The following CABP1 variants were observed in gnomAD, a reference collection of about 807,000 sequenced individuals.
The protein encoded by CABP1 is calcium-binding protein 1.
A neutral mutation model predicts 34.3 loss-of-function variants in CABP1; 17 were observed. That is an observed-to-expected ratio of 0.50 (90% CI 0.34 to 0.74). The LOEUF (loss-of-function observed/expected upper bound fraction) is 0.74, where lower values mean the gene tolerates loss of function less well. Ranked by LOEUF, CABP1 falls within the 30% of genes least tolerant of loss-of-function variation. The pLI, the probability that CABP1 is intolerant of heterozygous loss-of-function variation, is 0.01. For missense variants in CABP1, 373 were observed against 511.1 expected (o/e 0.73, Z 2.61); for synonymous variants, 198 against 229.2 (o/e 0.86, Z 1.23).
chr12:120,645,165 A>G (rs1183961928), intron 1 of CABP1, among the ~76,000 whole-genome samples: 1 of 152,086 alleles, frequency 6.6e-6, no homozygotes, highest in Non-Finnish European at 1.5e-5. Flanking sequence ...ATTTAATTGC[A>G]CTAAGCCTAG....
intron 5 of CABP1, among the ~76,000 whole-genome samples, chr12:120,662,709 A>G (rs1381222524): frequency 1.5e-5 from 2 of 133,340 alleles, no homozygotes; most frequent in Non-Finnish European, 3.1e-5. Flanking sequence ...TTTGAGACAA[A>G]GTCTCGCTCT....
chr12:120,650,833 C>A, intron 1 of CABP1: 2 of 773,278 alleles, frequency 2.6e-6, no homozygotes, highest in Non-Finnish European at 4.3e-6. Flanking sequence ...ACCCCAAACA[C>A]CCTCCTATTG....
At chr12:120,680,822 C>A in the CABP1 span, among the ~76,000 whole-genome samples, 1 of 152,024 alleles carries the variant, frequency 6.6e-6, no homozygotes, top group Non-Finnish European at 1.5e-5. Flanking sequence ...CCTATCAAGG[C>A]TCATGCCTGT....
the CABP1 span, among the ~76,000 whole-genome samples, chr12:120,679,287 G>C: frequency 5.3e-5 from 8 of 152,084 alleles, no homozygotes; most frequent in East Asian, 1.9e-4. Flanking sequence ...TACATAGCCA[G>C]GCTCAAAGGA....
chr12:120,647,012 T>C (rs1188228525), intron 1 of CABP1, among the ~76,000 whole-genome samples: 1 of 152,174 alleles, frequency 6.6e-6, no homozygotes, highest in Non-Finnish European at 1.5e-5. Flanking sequence ...GTGTGATTTT[T>C]CCATAGGGAC....
At position 120,641,404 on chromosome 12, in the gene CABP1, G is replaced by A; in HGVS notation, c.654+65G>A. 8.1e-7 allele frequency: 1 copy of A among 1,240,404 alleles called. No individual in the cohort carries two copies. The highest frequency in any genetic ancestry group is 1.0e-6 in the Non-Finnish European group (1 of 991,002). 76.8% of individuals were successfully genotyped at this position (1,240,404 alleles called of 1,614,324 possible). On this transcript the variant is annotated intron_variant, in intron 1 of 5. Coordinates refer to ENST00000316803, the MANE Select transcript of CABP1 (RefSeq NM_001033677.2). The surrounding 1 kb of genome is among the most constrained non-coding windows in gnomAD (Gnocchi z 6.7). ...GCTCGGGACCCTGCCGGCCGCGGTT[G>A]CGCGTCCACAGCCTCCTCCCGCGGC... is the stretch of plus-strand genomic sequence containing the variant.
In CABP1 at chr12:120,666,865, A is replaced by G. The variant is rs769755752; in HGVS notation, c.1088-10A>G. The G allele has an allele frequency of 4.4e-6, 7 of 1,604,584 alleles. No homozygotes were observed. The highest frequency in any genetic ancestry group is 2.2e-5 in the East Asian group (1 of 44,738). On this transcript the variant is annotated splice_polypyrimidine_tract_variant and intron_variant, in intron 5 of 5. Coordinates refer to ENST00000316803, the MANE Select transcript of CABP1 (RefSeq NM_001033677.2). Reference sequence around the variant, plus strand: ...CTGCTTGCTCCCCAGCTGCTCCTCTACCCTTCTAGAGTTTGTCCGGATGAT... The same window carrying G: ...CTGCTTGCTCCCCAGCTGCTCCTCTGCCCTTCTAGAGTTTGTCCGGATGAT...
chr12:120,653,917 A>G lies in CABP1; in HGVS notation c.655-5961A>G, dbSNP rs1000538271. 5.3e-5 allele frequency among the ~76,000 whole-genome samples: 8 copies of G among 152,240 alleles called. No individual in the cohort carries two copies. The East Asian group carries it at 1.5e-3, about 29-fold the overall frequency. ...TGAGCCAAGTGCAGAAGATTCAGCC[A>G]GAAACAAAAATGCTGACTCTCTGCA... is the stretch of plus-strand genomic sequence containing the variant. On this transcript the variant is annotated intron_variant, in intron 1 of 5. Coordinates refer to ENST00000316803, the MANE Select transcript of CABP1 (RefSeq NM_001033677.2).
intron 5 of CABP1, among the ~76,000 whole-genome samples, chr12:120,664,713 A>G (rs1296743049): frequency 6.6e-6 from 1 of 151,982 alleles, no homozygotes; most frequent in Non-Finnish European, 1.5e-5. Flanking sequence ...GTCTCTATTA[A>G]AAATACAAAA....
intron 1 of CABP1, among the ~76,000 whole-genome samples, chr12:120,651,618 C>G (rs1454316205): frequency 2.0e-5 from 3 of 152,216 alleles, no homozygotes; most frequent in Admixed American, 6.5e-5. Context: ...GGTTAAGTGA[C>G]TTACCTATGG....
At chr12:120,664,159 G>A (rs1010750832) in intron 5 of CABP1, among the ~76,000 whole-genome samples, 15 of 152,288 alleles carry the variant, frequency 9.8e-5, no homozygotes, top group Middle Eastern at 3.4e-3. Flanking sequence ...TTCATCCTAC[G>A]AGGATGCATT....
At chr12:120,675,169 C>T in the CABP1 span, among the ~76,000 whole-genome samples, 1 of 152,038 alleles carries the variant, frequency 6.6e-6, no homozygotes, top group East Asian at 1.9e-4. Context: ...TCTCCCACCT[C>T]AGCCTCCCAA....
At chr12:120,669,240 G>A (rs539065596), downstream of CABP1, among the ~76,000 whole-genome samples, 45 of 152,326 alleles carry the variant, frequency 3.0e-4, no homozygotes, top group Non-Finnish European at 5.4e-4. Flanking sequence ...TCACGTTCCC[G>A]AGGTCAGTGG....
the CABP1 span, among the ~76,000 whole-genome samples, chr12:120,673,691 G>A: frequency 6.6e-6 from 1 of 152,174 alleles, no homozygotes; most frequent in Non-Finnish European, 1.5e-5. Context: ...GTCATCTTGG[G>A]TAGGTTATAA....
chr12:120,680,500 G>A, the CABP1 span, among the ~76,000 whole-genome samples: 1 of 152,184 alleles, frequency 6.6e-6, no homozygotes, highest in Non-Finnish European at 1.5e-5. Flanking sequence ...AAAGAGGTGG[G>A]AATGCAGCCG....
chr12:120,665,486 G>A (rs1401969374), intron 5 of CABP1, among the ~76,000 whole-genome samples: 14 of 152,046 alleles, frequency 9.2e-5, no homozygotes, highest in Non-Finnish European at 4.4e-5. Flanking sequence ...GAGGATGCAT[G>A]TCATTATACA....
chr12:120,668,226 G>T (rs768070416), downstream of CABP1, among the ~76,000 whole-genome samples: 1 of 152,254 alleles, frequency 6.6e-6, no homozygotes, highest in Non-Finnish European at 1.5e-5. Flanking sequence ...GCTGCGCGCC[G>T]TGGCTCATGC....
At position 120,652,749 on chromosome 12, in the gene CABP1, G is replaced by T. The variant is rs148071580; in HGVS notation, c.655-7129G>T. Among the ~76,000 whole-genome samples, 406 of 152,254 alleles carry T rather than the reference G, an allele frequency of 2.7e-3. 3 individuals carry two copies. Among genetic ancestry groups the T allele is most frequent in the African/African-American group, 9.2e-3 (381 of 41,558 alleles). On this transcript the variant is annotated intron_variant, in intron 1 of 5. Transcript: ENST00000316803. Reference sequence around the variant, plus strand: ...CTCCTTGAAGACATTCATTCGGCAAGAGGGAGCTTTGATGTGCATACTCTT... The same window carrying T: ...CTCCTTGAAGACATTCATTCGGCAATAGGGAGCTTTGATGTGCATACTCTT...
chr12:120,646,767 C>T (rs907587558), intron 1 of CABP1, among the ~76,000 whole-genome samples: 5 of 152,188 alleles, frequency 3.3e-5, no homozygotes, highest in African/African-American at 1.2e-4. Context: ...CCCACCTCAG[C>T]CTCTTGAAGT....
Sources: allele counts gnomAD v4.1 joint callset (sites outside exome capture counted in the v4.1 genomes callset), GRCh38; gene constraint gnomAD v4.1.1; non-coding constraint Gnocchi (gnomAD v3.1); transcripts MANE v1.5; gene names NCBI Gene and HGNC (gene_info 2026-07-23, HGNC 2026-07-21).